Variants in SCGN observed in about 807,000 individuals in gnomAD.
The protein encoded by SCGN is secretagogin, EF-hand calcium binding protein.
A neutral mutation model predicts 39.7 loss-of-function variants in SCGN; 30 were observed. That is an observed-to-expected ratio of 0.76 (90% CI 0.57 to 1.03). The LOEUF (loss-of-function observed/expected upper bound fraction) is 1.03, where lower values mean the gene tolerates loss of function less well. SCGN is among the 50% of genes least tolerant of loss of function. The pLI is 0.00. For missense variants in SCGN, 353 were observed against 349.4 expected (o/e 1.01, Z -0.08); for synonymous variants, 106 against 114.1 (o/e 0.93, Z 0.45).
At chr6:25,684,425 G>T (rs9348689) in intron 7 of SCGN, among the ~76,000 whole-genome samples, 74,638 of 151,944 alleles carry the variant, frequency 0.49, 18,773 homozygotes, top group East Asian at 0.57. Context: ...CCCACAGATA[G>T]GGGGTGCCAA....
At chr6:25,670,219 A>G (rs1426845750) in intron 6 of SCGN, 143 bp downstream of exon 6, 3 of 661,444 alleles carry the variant, frequency 4.5e-6, no homozygotes, top group Non-Finnish European at 8.2e-6. Flanking sequence ...TCTGAAAAAT[A>G]CTGGCTAAAA....
intron 10 of SCGN, among the ~76,000 whole-genome samples, chr6:25,699,589 C>CAAAAA (rs35915067): frequency 2.5e-3 from 129 of 51,688 alleles, no homozygotes; most frequent in South Asian, 3.1e-3. Flanking sequence ...AACTCTGTCT[C>CAAAAA]AAAAAAAAAA....
intron 4 of SCGN, among the ~76,000 whole-genome samples, chr6:25,668,384 TCTGGTTCGTAA>T (rs1381551268): frequency 2.6e-5 from 4 of 152,156 alleles, no homozygotes; most frequent in Non-Finnish European, 5.9e-5. Flanking sequence ...TGTTCTGTGT[TCTGGTTCGTAA>T]CTGCTTCTTC....
intron 3 of SCGN, among the ~76,000 whole-genome samples, chr6:25,664,491 G>C (rs1760394553): frequency 6.6e-6 from 1 of 152,138 alleles, no homozygotes. Context: ...GTACCCTATA[G>C]ATTGTCATTA....
chr6:25,665,113 A>T, intron 4 of SCGN, 81 bp downstream of exon 4: 1 of 1,060,866 alleles, frequency 9.4e-7, no homozygotes, highest in Non-Finnish European at 1.4e-6. Context: ...GGCTGCCACC[A>T]CTCCTGCCCA....
intron 2 of SCGN, among the ~76,000 whole-genome samples, chr6:25,658,233 G>GT (rs1035308319): frequency 4.6e-5 from 7 of 150,964 alleles, no homozygotes; most frequent in Admixed American, 4.0e-4. Context: ...TGGAGACGGG[G>GT]TTTCACCATG....
At chr6:25,670,246 T>A (rs922866505) in intron 6 of SCGN, among the ~76,000 whole-genome samples, 170 bp downstream of exon 6, 1 of 152,232 alleles carries the variant, frequency 6.6e-6, no homozygotes, top group Non-Finnish European at 1.5e-5. Flanking sequence ...TGTTTTAGCC[T>A]CTCTCTTGTG....
At chr6:25,676,557 A>G (rs1404047587) in intron 6 of SCGN, among the ~76,000 whole-genome samples, 1 of 152,200 alleles carries the variant, frequency 6.6e-6, no homozygotes, top group Non-Finnish European at 1.5e-5. Flanking sequence ...TAACCCTGGT[A>G]TGCATTTGAT....
At chr6:25,664,714 G>T (rs1297083878) in intron 3 of SCGN, among the ~76,000 whole-genome samples, 1 of 152,162 alleles carries the variant, frequency 6.6e-6, no homozygotes, top group Non-Finnish European at 1.5e-5. Context: ...GCTCATTGAA[G>T]GCAGATATCC....
At chr6:25,683,210 C>T (rs1488820025) in intron 7 of SCGN, among the ~76,000 whole-genome samples, 1 of 152,194 alleles carries the variant, frequency 6.6e-6, no homozygotes, top group African/African-American at 2.4e-5. Context: ...CGCCTCTGCT[C>T]CCTGGATCCC....
chr6:25,685,467 C>T (rs1442625960), intron 7 of SCGN, among the ~76,000 whole-genome samples: 1 of 152,110 alleles, frequency 6.6e-6, no homozygotes, highest in East Asian at 1.9e-4. Context: ...CCTGGCAGAC[C>T]TCCAGGATAT....
At chr6:25,673,174 C>A (rs1343600184) in intron 6 of SCGN, among the ~76,000 whole-genome samples, 2 of 152,144 alleles carry the variant, frequency 1.3e-5, no homozygotes, top group East Asian at 3.9e-4. Context: ...TTTCTTATGA[C>A]CCTGTGCCCC....
At chr6:25,697,809 T>G (rs1169800049) in intron 10 of SCGN, among the ~76,000 whole-genome samples, 2 of 152,194 alleles carry the variant, frequency 1.3e-5, no homozygotes, top group African/African-American at 4.8e-5. Context: ...AAAAGTTACA[T>G]TTTTACATGA....
Position 25,701,629 on chromosome 6 carries a change from TG to T in SCGN, c.*301del. 5.1e-5 allele frequency: 13 copies of T among 256,648 alleles called. No individual in the cohort carries two copies. The highest frequency in any genetic ancestry group is 1.1e-4 in the Admixed American group (2 of 17,938). 15.9% of individuals were successfully genotyped at this position (256,648 alleles called of 1,614,324 possible). ...GCCTGTCCTTCCCCAGTCACCAGGG[TG>T]GGGGGGACAGGGGCAGCTGAGTGCA... On this transcript the variant is annotated 3_prime_UTR_variant, in exon 11 of 11. Coordinates refer to ENST00000377961, the MANE Select transcript of SCGN (RefSeq NM_006998.4).
chr6:25,654,620 C>T (rs542207892), intron 2 of SCGN, among the ~76,000 whole-genome samples: 15 of 152,184 alleles, frequency 9.9e-5, no homozygotes, highest in African/African-American at 3.4e-4. Flanking sequence ...CATTCTTTTT[C>T]CAGTCTCTCT....
chr6:25,657,590 G>A (rs1249433162), intron 2 of SCGN, among the ~76,000 whole-genome samples: 1 of 151,528 alleles, frequency 6.6e-6, no homozygotes, highest in African/African-American at 2.4e-5. Flanking sequence ...GATCCACCAA[G>A]GGGTTATCCC....
chr6:25,678,457 A>G (rs1030292254), intron 6 of SCGN, among the ~76,000 whole-genome samples: 2 of 152,184 alleles, frequency 1.3e-5, no homozygotes, highest in Non-Finnish European at 2.9e-5. Flanking sequence ...GCACATCACA[A>G]AACAAAACAA....
At chr6:25,652,758 A>G (rs1760156584) in intron 1 of SCGN, among the ~76,000 whole-genome samples, 2 of 152,068 alleles carry the variant, frequency 1.3e-5, no homozygotes, top group South Asian at 4.2e-4. Context: ...AGACATACAT[A>G]TATATTGTAT....
In SCGN at chr6:25,701,365, T is replaced by G; in HGVS notation, c.*30T>G. Reference sequence around the variant, plus strand: ...AGACTGCTTTGCCTTTTGCTCTTACTATGTTTCTGTGATCTTGCTGGTAGA... The same window carrying G: ...AGACTGCTTTGCCTTTTGCTCTTACGATGTTTCTGTGATCTTGCTGGTAGA... On this transcript the variant is annotated 3_prime_UTR_variant, in exon 11 of 11. Transcript: ENST00000377961. 1 of 1,600,298 alleles carries G rather than the reference T, an allele frequency of 6.2e-7. No individual in the cohort carries two copies. The highest frequency in any genetic ancestry group is 8.5e-7 in the Non-Finnish European group (1 of 1,173,784).
Sources: allele counts gnomAD v4.1 joint callset (sites outside exome capture counted in the v4.1 genomes callset), GRCh38; gene constraint gnomAD v4.1.1; transcripts MANE v1.5; gene names NCBI Gene and HGNC (gene_info 2026-07-23, HGNC 2026-07-21).